RIT2: variants seen among roughly 807,000 people sequenced by gnomAD.
The protein encoded by RIT2 is GTP-binding protein Rit2.
Under a neutral mutation model 23.7 loss-of-function variants are expected in RIT2, and 24 were observed. That is an observed-to-expected ratio of 1.01 (90% CI 0.73 to 1.43). RIT2 has a LOEUF of 1.43. Among genes scored for constraint, RIT2 ranks in the 40% most tolerant of loss-of-function variants. The pLI, the probability that RIT2 is intolerant of heterozygous loss-of-function variation, is 0.00. For missense variants in RIT2, 236 were observed against 266.9 expected (o/e 0.88, Z 0.81); for synonymous variants, 107 against 91.1 (o/e 1.17, Z -0.99).
intron 3 of RIT2, among the ~76,000 whole-genome samples, chr18:42,950,369 AC>A (rs545895170): frequency 6.6e-6 from 1 of 152,172 alleles, no homozygotes; most frequent in South Asian, 2.1e-4. Context: ...CTGGATCCCC[AC>A]CTTTCACCAT....
chr18:42,819,624 CCA>C (rs1275661207), intron 4 of RIT2, among the ~76,000 whole-genome samples: 3 of 151,954 alleles, frequency 2.0e-5, no homozygotes, highest in African/African-American at 7.3e-5. Context: ...TATGTTATCC[CCA>C]GTTCTTAAAA....
chr18:43,056,583 A>T (rs887844757), intron 1 of RIT2, among the ~76,000 whole-genome samples: 1 of 152,134 alleles, frequency 6.6e-6, no homozygotes, highest in Admixed American at 6.6e-5. Context: ...CTTATGAAAC[A>T]GGAAGTCAGC....
intron 4 of RIT2, among the ~76,000 whole-genome samples, chr18:42,840,970 T>C (rs952061957): frequency 6.6e-6 from 1 of 152,226 alleles, no homozygotes; most frequent in African/African-American, 2.4e-5. Context: ...AAGTTAGGAC[T>C]GGCATTTCCA....
At chr18:43,044,042 G>A (rs1467524146) in intron 1 of RIT2, among the ~76,000 whole-genome samples, 4 of 152,202 alleles carry the variant, frequency 2.6e-5, no homozygotes, top group Non-Finnish European at 2.9e-5. Context: ...TGCTGAGCAC[G>A]GAGAATAAGA....
intron 2 of RIT2, among the ~76,000 whole-genome samples, chr18:43,031,213 T>C (rs1911846905): frequency 6.6e-6 from 1 of 151,838 alleles, no homozygotes; most frequent in Non-Finnish European, 1.5e-5. Context: ...CTTTCAAAAA[T>C]AAGTGCAGAG....
chr18:42,763,937 A>C (rs1913362573), intron 4 of RIT2, among the ~76,000 whole-genome samples: 1 of 152,172 alleles, frequency 6.6e-6, no homozygotes, highest in Non-Finnish European at 1.5e-5. Flanking sequence ...AAGTGATAGG[A>C]ATTTTTTGGC....
intron 2 of RIT2, among the ~76,000 whole-genome samples, chr18:42,984,110 GT>G (rs1179860141): frequency 6.6e-6 from 1 of 152,010 alleles, no homozygotes; most frequent in Non-Finnish European, 1.5e-5. Context: ...TTTTCAAGTT[GT>G]TTATCTTAGT....
At chr18:42,930,336 A>G (rs1909295123) in intron 3 of RIT2, among the ~76,000 whole-genome samples, 1 of 152,092 alleles carries the variant, frequency 6.6e-6, no homozygotes, top group Non-Finnish European at 1.5e-5. Flanking sequence ...CAAAAGGAGA[A>G]AGAAAAGGGG....
intron 2 of RIT2, among the ~76,000 whole-genome samples, chr18:42,980,255 A>C (rs1318448690): frequency 1.3e-5 from 2 of 151,744 alleles, no homozygotes; most frequent in East Asian, 3.9e-4. Flanking sequence ...CTAGAAATTC[A>C]CAGGAATTAT....
intron 2 of RIT2, among the ~76,000 whole-genome samples, chr18:43,007,720 A>G (rs941850796): frequency 2.6e-5 from 4 of 151,734 alleles, no homozygotes; most frequent in Non-Finnish European, 5.9e-5. Flanking sequence ...ATGTTTGTCT[A>G]CAAATTCACA....
chr18:42,964,389 A>G (rs1777151197), intron 3 of RIT2, among the ~76,000 whole-genome samples: 2 of 151,840 alleles, frequency 1.3e-5, no homozygotes, highest in Admixed American at 6.6e-5. Flanking sequence ...TTTGCCCACA[A>G]GGAAATTCCT....
intron 1 of RIT2, among the ~76,000 whole-genome samples, chr18:43,051,124 G>A (rs578104261): frequency 9.9e-5 from 15 of 152,084 alleles, no homozygotes; most frequent in Non-Finnish European, 1.5e-4. Context: ...AGGATCTGAC[G>A]GTATCTCCAA....
At position 42,984,776 on chromosome 18, in the gene RIT2, T is replaced by C. The variant is rs1598738489; in HGVS notation, c.161-10629A>G. ...AGAAAACTGGGCATAGAAAGCATCT[T>C]GCTTTACTGATTACTGGGTGTCTAA... On this transcript the variant is annotated intron_variant, in intron 2 of 4. Transcript: ENST00000326695. Among the ~76,000 whole-genome samples, 3 of 152,110 alleles carry C rather than the reference T, an allele frequency of 2.0e-5. No individual in the cohort carries two copies. The East Asian group carries it at 5.8e-4, about 29-fold the overall frequency.
At chr18:42,749,098 A>T (rs1912984960) in intron 4 of RIT2, among the ~76,000 whole-genome samples, 1 of 151,962 alleles carries the variant, frequency 6.6e-6, no homozygotes, top group Non-Finnish European at 1.5e-5. Flanking sequence ...TCCTAAAGTG[A>T]ATCTCAAAAC....
At chr18:42,790,174 G>A (rs1443267650) in intron 4 of RIT2, among the ~76,000 whole-genome samples, 1 of 152,032 alleles carries the variant, frequency 6.6e-6, no homozygotes, top group South Asian at 2.1e-4. Context: ...TTACAAATCC[G>A]AAATTTCATA....
intron 2 of RIT2, among the ~76,000 whole-genome samples, chr18:43,032,154 T>C (rs2144282154): frequency 6.6e-6 from 1 of 152,254 alleles, no homozygotes; most frequent in Non-Finnish European, 1.5e-5. Context: ...GATAAAGGTA[T>C]GATTGTAGCT....
chr18:42,793,784 C>A (rs1914094348), intron 4 of RIT2, among the ~76,000 whole-genome samples: 1 of 152,120 alleles, frequency 6.6e-6, no homozygotes, highest in Non-Finnish European at 1.5e-5. Flanking sequence ...AAAGAGTGAT[C>A]CACTGGGTCA....
At chr18:43,060,993 A>G (rs1421956403) in intron 1 of RIT2, among the ~76,000 whole-genome samples, 1 of 152,120 alleles carries the variant, frequency 6.6e-6, no homozygotes, top group Non-Finnish European at 1.5e-5. Context: ...AAGTGTTTTC[A>G]TGCACTCATT....
At chr18:43,039,113 T>A (rs1311482126) in intron 1 of RIT2, among the ~76,000 whole-genome samples, 1 of 152,216 alleles carries the variant, frequency 6.6e-6, no homozygotes, top group African/African-American at 2.4e-5. Flanking sequence ...TGGTTCTGTT[T>A]ACTGTCAAGG....
Sources: allele counts gnomAD v4.1 joint callset (sites outside exome capture counted in the v4.1 genomes callset), GRCh38; gene constraint gnomAD v4.1.1; transcripts MANE v1.5; gene names NCBI Gene and HGNC (gene_info 2026-07-23, HGNC 2026-07-21).